The following ADGRE2 variants were observed in gnomAD, a reference collection of about 807,000 sequenced individuals.
ADGRE2 encodes the protein CD97 antigen.
In ADGRE2, 83 loss-of-function variants were observed where a neutral mutation model predicts 100.8. The ratio of observed to expected loss-of-function variants is 0.82; its 90% confidence interval spans 0.69 to 0.99. The LOEUF (loss-of-function observed/expected upper bound fraction) is 0.99. Ranked by LOEUF, ADGRE2 falls within the 50% of genes least tolerant of loss-of-function variation. The probability of loss-of-function intolerance (pLI) is 0.00; values close to 1 mark genes in which losing one functional copy is unlikely to be tolerated. For missense variants in ADGRE2, 814 were observed against 1,035.7 expected, an observed-to-expected ratio of 0.79 and a Z score of 2.94; for synonymous variants, 355 against 413.0, an observed-to-expected ratio of 0.86 and a Z score of 1.70.
chr19:14,768,284 C>T (rs373663661), intron 5 of ADGRE2, among the ~76,000 whole-genome samples: 4 of 152,186 alleles, frequency 2.6e-5, no homozygotes, highest in African/African-American at 9.6e-5. Context: ...GACAGTGGGT[C>T]CCAGGCCAGG....
chr19:14,757,077 A>G (rs1165396203), intron 11 of ADGRE2, among the ~76,000 whole-genome samples: 2 of 151,950 alleles, frequency 1.3e-5, no homozygotes, highest in Admixed American at 1.3e-4. Context: ...TAATTTTTAA[A>G]TTTTTTGTGG....
chr19:14,745,761 T>C (rs2043068013), intron 18 of ADGRE2, among the ~76,000 whole-genome samples: 1 of 152,100 alleles, frequency 6.6e-6, no homozygotes, highest in African/African-American at 2.4e-5. Context: ...CCTGCCACCA[T>C]GCCCGGCTAA....
chr19:14,738,844 T>A (rs947890319), intron 20 of ADGRE2, among the ~76,000 whole-genome samples: 1 of 152,202 alleles, frequency 6.6e-6, no homozygotes, highest in African/African-American at 2.4e-5. Flanking sequence ...TAATAAATAT[T>A]GTGCTTCAGG....
chr19:14,768,110 G>A lies in ADGRE2; in HGVS notation c.356-1001C>T, dbSNP rs551436633. ...TGGCCTTGATTTCCCCAGGACAGCT[G>A]CTCACTGGCTGAGTTATCAGAATCC... is the stretch of plus-strand genomic sequence containing the variant. On this transcript the variant is annotated intron_variant, in intron 5 of 20. Transcript: ENST00000315576. Among the ~76,000 whole-genome samples, 7 of 152,368 alleles carry A rather than the reference G, an allele frequency of 4.6e-5. No individual in the cohort carries two copies. The East Asian group carries it at 7.7e-4, about 17-fold the overall frequency.
At chr19:14,775,656 C>T (rs1226892909) in intron 2 of ADGRE2, among the ~76,000 whole-genome samples, 8 of 151,826 alleles carry the variant, frequency 5.3e-5, no homozygotes, top group Non-Finnish European at 8.8e-5. Context: ...GTCGGGAGTT[C>T]GAGACCAGCC....
chr19:14,776,315 G>C (rs1225286126), intron 2 of ADGRE2: 1 of 177,906 alleles, frequency 5.6e-6, no homozygotes, highest in Non-Finnish European at 1.2e-5. Flanking sequence ...CTGCAGTGGA[G>C]AAGTCCTGGC....
intron 11 of ADGRE2, among the ~76,000 whole-genome samples, chr19:14,763,265 C>T (rs2043795529): frequency 6.6e-6 from 1 of 152,012 alleles, no homozygotes; most frequent in African/African-American, 2.4e-5. Context: ...ATGCTGTCAA[C>T]CCAGGAGGCG....
At chr19:14,773,080 C>CAAAAAAAAAAAAAAAAAA (rs35688921) in intron 4 of ADGRE2, among the ~76,000 whole-genome samples, 23 of 45,808 alleles carry the variant, frequency 5.0e-4, no homozygotes, top group African/African-American at 1.4e-3. Flanking sequence ...GACTCCATCT[C>CAAAAAAAAAAAAAAAAAA]AAAAAAAAAA....
In ADGRE2 at chr19:14,756,315, T is replaced by G; in HGVS notation, c.1115A>C (p.Asp372Ala). The G allele has an allele frequency of 6.2e-7, 1 of 1,614,096 alleles. No individual in the cohort carries two copies. Among genetic ancestry groups the G allele is most frequent in the East Asian group, 2.2e-5 (1 of 44,880 alleles). The change falls in exon 12 of 21, where the codon GAC becomes GCC. Residue 372 changes from aspartate to alanine, a missense_variant. Physicochemically the swap from Asp to Ala is moderately radical, Grantham distance 126. Around this residue, in one of 5 missense-constraint regions of ADGRE2, gnomAD observed 569 missense variants for 692.7 expected, o/e 0.82. Coordinates refer to ENST00000315576, the MANE Select transcript of ADGRE2 (RefSeq NM_013447.4). ...ATTCTGTCTCAAGGTGACACTCCTG[T>G]CTACTTGCTTCTGCACCTCCAGGGA... ...ELSLEVQKQVDRSVTLRQNQA... is the reference protein window; with the variant it reads ...ELSLEVQKQVARSVTLRQNQA...
chr19:14,773,097 A>AAAAAAAAAAAG (rs1568627127), intron 4 of ADGRE2, among the ~76,000 whole-genome samples: 1 of 110,296 alleles, frequency 9.1e-6, no homozygotes, highest in African/African-American at 3.7e-5. Context: ...AAAAAAAAAA[A>AAAAAAAAAAAG]ACAAAAAAAA....
rs184802596 is a variant in ADGRE2 at position 14,759,450 on chromosome 19, G to A, written c.1085-3105C>T. Among the ~76,000 whole-genome samples, 788 of 150,342 alleles carry A rather than the reference G, an allele frequency of 5.2e-3. 2 individuals carry two copies. The highest frequency in any genetic ancestry group is 0.018 in the African/African-American group (747 of 40,616). On this transcript the variant is annotated intron_variant, in intron 11 of 20. Coordinates refer to ENST00000315576, the MANE Select transcript of ADGRE2 (RefSeq NM_013447.4). ...TGGGATGAAGAGAGGTGAGTTAACAGGTAGAGACATACAGTTAGACAAAAA... is the reference window on the plus strand; with the variant it reads ...TGGGATGAAGAGAGGTGAGTTAACAAGTAGAGACATACAGTTAGACAAAAA...
chr19:14,767,123 G>C lies in ADGRE2; in HGVS notation c.356-14C>G. On this transcript the variant is annotated splice_polypyrimidine_tract_variant and intron_variant, in intron 5 of 20. Coordinates refer to ENST00000315576, the MANE Select transcript of ADGRE2 (RefSeq NM_013447.4). ...ATTCGTCCACATCTGCAAGAGGAAG[G>C]AGAGGGTGAAGAATGCCCGTAGCTG... 6.2e-7 allele frequency: 1 copy of C among 1,607,112 alleles called. No individual in the cohort carries two copies. The highest frequency in any genetic ancestry group is 2.2e-5 in the East Asian group (1 of 44,680).
chr19:14,756,393 C>A, intron 11 of ADGRE2, 48 bp from the exon 12 acceptor site: 3 of 1,293,692 alleles, frequency 2.3e-6, no homozygotes, highest in South Asian at 2.4e-5. Context: ...AGGAATCGTG[C>A]CTGCAGTGGT....
the ADGRE2 span, among the ~76,000 whole-genome samples, chr19:14,725,938 G>A: frequency 6.6e-6 from 1 of 152,170 alleles, no homozygotes; most frequent in Non-Finnish European, 1.5e-5. Context: ...CCCTGGTAGG[G>A]ATTCTTGTGG....
chr19:14,776,064 C>T (rs1108016), intron 2 of ADGRE2, among the ~76,000 whole-genome samples: 2 of 151,348 alleles, frequency 1.3e-5, no homozygotes, highest in Non-Finnish European at 2.9e-5. Flanking sequence ...GTGCATGTGG[C>T]GCTGCGGTTC....
intron 20 of ADGRE2, among the ~76,000 whole-genome samples, chr19:14,739,797 AG>A (rs1393091290): frequency 1.3e-5 from 2 of 152,110 alleles, no homozygotes; most frequent in Non-Finnish European, 2.9e-5. Context: ...TGAAGGCTGT[AG>A]GAGAGTCAAA....
In ADGRE2 at chr19:14,733,748, T is replaced by G. The variant is rs1286501706; in HGVS notation, c.*2488A>C. 6.6e-6 allele frequency: 1 copy of G among 152,242 alleles called. No individual in the cohort carries two copies. Among genetic ancestry groups the G allele is most frequent in the Non-Finnish European group, 1.5e-5 (1 of 68,062 alleles). The allele number at this position is 152,242 out of a possible 1,614,324, so 9.4% of individuals were successfully genotyped here. A position where few individuals can be genotyped will look rare whatever the true frequency, so the allele number is the denominator to read the frequency against. ...AAACCTGTCTTAACCATCAAGCCAC[T>G]TTTTGTGTTTCTTTCCTCTTTCTTT... On this transcript the variant is annotated 3_prime_UTR_variant, in exon 21 of 21. Coordinates refer to ENST00000315576, the MANE Select transcript of ADGRE2 (RefSeq NM_013447.4).
At chr19:14,760,256 G>A (rs2043670196) in intron 11 of ADGRE2, among the ~76,000 whole-genome samples, 1 of 152,172 alleles carries the variant, frequency 6.6e-6, no homozygotes, top group African/African-American at 2.4e-5. Flanking sequence ...GTGGATACCT[G>A]AGATACCCTG....
At chr19:14,767,261 C>G in intron 5 of ADGRE2, 152 bp from the exon 6 acceptor site, 1 of 1,317,848 alleles carries the variant, frequency 7.6e-7, no homozygotes, top group Non-Finnish European at 1.0e-6. Context: ...TTTTTTGAGA[C>G]GGAGTCTTGC....
Sources: allele counts gnomAD v4.1 joint callset (sites outside exome capture counted in the v4.1 genomes callset), GRCh38; gene constraint gnomAD v4.1.1; regional missense constraint gnomAD v4.1.1; transcripts MANE v1.5; gene names NCBI Gene and HGNC (gene_info 2026-07-23, HGNC 2026-07-21).